CUBN: variants seen among roughly 807,000 people sequenced by gnomAD.
CUBN encodes cubilin.
Under a neutral mutation model 405.3 loss-of-function variants are expected in CUBN, and 282 were observed. That is an observed-to-expected ratio of 0.70 (90% CI 0.63 to 0.77). CUBN has a LOEUF of 0.77. CUBN is among the 30% of genes least tolerant of loss of function. The probability of loss-of-function intolerance (pLI) is 0.00; values close to 1 mark genes in which losing one functional copy is unlikely to be tolerated. For missense variants in CUBN, 4,514 were observed against 4,475.2 expected, an observed-to-expected ratio of 1.01 and a Z score of -0.25; for synonymous variants, 1,684 against 1,617.0, an observed-to-expected ratio of 1.04 and a Z score of -0.99.
At chr10:17,128,006 TGAG>T (rs906024310) in intron 2 of CUBN, 82 bp from the exon 3 acceptor site, 3 of 978,746 alleles carry the variant, frequency 3.1e-6, no homozygotes, top group South Asian at 1.4e-5. Context: ...ATTAAAAACT[TGAG>T]TAGTATTCTA....
chr10:17,089,362 A>G (rs898189889), intron 14 of CUBN, among the ~76,000 whole-genome samples: 1 of 152,242 alleles, frequency 6.6e-6, no homozygotes, highest in African/African-American at 2.4e-5. Flanking sequence ...GGAAAAGATT[A>G]ATGACAAAAT....
At chr10:17,100,363 T>G (rs760851679) in intron 13 of CUBN, 124 bp from the exon 14 acceptor site, 2 of 708,580 alleles carry the variant, frequency 2.8e-6, no homozygotes, top group African/African-American at 1.8e-5. Context: ...CATTCCCTAA[T>G]TATCCACCAG....
chr10:16,975,265 C>T (rs528071784), intron 31 of CUBN, among the ~76,000 whole-genome samples: 24 of 152,334 alleles, frequency 1.6e-4, no homozygotes, highest in African/African-American at 5.8e-4. Context: ...GACCCGATCA[C>T]ATTTGAGGTT....
chr10:17,049,900 TACCTTACTAA>T (rs1835224871), intron 22 of CUBN, among the ~76,000 whole-genome samples: 1 of 152,244 alleles, frequency 6.6e-6, no homozygotes, highest in African/African-American at 2.4e-5. Flanking sequence ...TGAGTATATT[TACCTTACTAA>T]ACCTTGGGAT....
chr10:17,030,416 G>T (rs967495341), intron 27 of CUBN, among the ~76,000 whole-genome samples: 1 of 151,966 alleles, frequency 6.6e-6, no homozygotes, highest in Non-Finnish European at 1.5e-5. Context: ...AATAACCATA[G>T]ATAATATGTA....
intron 50 of CUBN, among the ~76,000 whole-genome samples, chr10:16,905,179 C>T (rs564094333): frequency 2.0e-5 from 3 of 152,256 alleles, no homozygotes; most frequent in African/African-American, 7.2e-5. Context: ...TGGATGATTA[C>T]GTACTATTTA....
chr10:16,872,312 C>T (rs1200781007), intron 58 of CUBN, among the ~76,000 whole-genome samples: 1 of 149,590 alleles, frequency 6.7e-6, no homozygotes, highest in Non-Finnish European at 1.5e-5. Context: ...AGGATCCAGG[C>T]TGAAAACTGA....
Position 16,889,935 on chromosome 10 carries a change from C to CAAAA in CUBN, c.8755+432_8755+435dup, listed in dbSNP as rs1554788544. Among the ~76,000 whole-genome samples, 25 of 19,900 alleles carry CAAAA rather than the reference C, an allele frequency of 1.3e-3. 6 individuals are homozygous for CAAAA. The highest frequency in any genetic ancestry group is 1.3e-3 in the East Asian group (1 of 786). 13.1% of individuals were successfully genotyped at this position (19,900 alleles called of 152,430 possible). On this transcript the variant is annotated intron_variant, in intron 55 of 66. Coordinates refer to ENST00000377833, the MANE Select transcript of CUBN (RefSeq NM_001081.4). ...CTGGCGACAGAGTGAGACGCCGTGT[C>CAAAA]AAAAAAAAAAAAAAAAAACAGGAAA...
At chr10:17,015,483 T>C (rs1472124166) in intron 28 of CUBN, among the ~76,000 whole-genome samples, 3 of 152,210 alleles carry the variant, frequency 2.0e-5, no homozygotes, top group Admixed American at 1.3e-4. Flanking sequence ...AATACCTGGT[T>C]ACAGGATGTC....
intron 14 of CUBN, among the ~76,000 whole-genome samples, chr10:17,090,713 T>C (rs897852409): frequency 6.6e-6 from 1 of 151,750 alleles, no homozygotes; most frequent in African/African-American, 2.4e-5. Context: ...AGTAATAATA[T>C]TAGTATTGTT....
intron 28 of CUBN, among the ~76,000 whole-genome samples, chr10:17,014,988 G>A (rs918027439): frequency 1.3e-5 from 2 of 152,126 alleles, no homozygotes; most frequent in Non-Finnish European, 2.9e-5. Flanking sequence ...AGGGTACAGG[G>A]GTTCAGTACA....
At chr10:16,996,901 C>G (rs928294493) in intron 28 of CUBN, among the ~76,000 whole-genome samples, 1 of 152,138 alleles carries the variant, frequency 6.6e-6, no homozygotes, top group African/African-American at 2.4e-5. Flanking sequence ...TCCCTTCATT[C>G]CTAAAGGAAA....
At chr10:16,958,106 T>G (rs1480207785) in intron 31 of CUBN, among the ~76,000 whole-genome samples, 3 of 152,074 alleles carry the variant, frequency 2.0e-5, no homozygotes, top group Non-Finnish European at 4.4e-5. Context: ...AAAAGTAAAC[T>G]AAAATATTAA....
chr10:16,880,761 C>A (rs1410476342), intron 56 of CUBN, among the ~76,000 whole-genome samples: 1 of 152,146 alleles, frequency 6.6e-6, no homozygotes, highest in Non-Finnish European at 1.5e-5. Context: ...ATTCAGCCTG[C>A]AGAAATCTTG....
intron 28 of CUBN, among the ~76,000 whole-genome samples, chr10:16,991,380 G>C (rs1833581920): frequency 7.1e-6 from 1 of 141,702 alleles, no homozygotes; most frequent in African/African-American, 2.6e-5. Context: ...TTGATGCTAG[G>C]ATACTAACTG....
rs756840428 is a variant in CUBN, at chr10:16,918,755, A to C, written c.6867T>G (p.Asp2289Glu). 9.3e-6 allele frequency: 15 copies of C among 1,613,848 alleles called. 1 individual carries two copies. The highest frequency in any genetic ancestry group is 2.7e-5 in the African/African-American group (2 of 74,920). Residue 2289 changes from aspartate to glutamate, a missense_variant, in exon 45 of 67, where the codon GAT (aspartate) becomes GAG (glutamate). Asp to Glu is a conservative substitution (Grantham distance 45). Around this residue, in one of 5 missense-constraint regions of CUBN, gnomAD observed 1,613 missense variants for 1,542.8 expected, o/e 1.05. Coordinates refer to ENST00000377833, the MANE Select transcript of CUBN (RefSeq NM_001081.4). ...CACAAAATTTGGAAAGTATTGGTGCATCCGAATCCACTCCATCCCGCAACT... is the reference window on the plus strand; with the variant it reads ...CACAAAATTTGGAAAGTATTGGTGCCTCCGAATCCACTCCATCCCGCAACT... Reference protein sequence around the residue: ...YLELRDGVDSDAPILSKFCGT... With the variant: ...YLELRDGVDSEAPILSKFCGT...
chr10:16,828,833 G>A lies in CUBN; in HGVS notation c.10736C>T (p.Ser3579Phe), dbSNP rs754645310. ...TCCGCAGTATGGTCCAGAGGATGGAGAGCTGGCGTTGGGCCCATCATAGAG... is the reference window on the plus strand; with the variant it reads ...TCCGCAGTATGGTCCAGAGGATGGAAAGCTGGCGTTGGGCCCATCATAGAG... ...LTLYDGPNAS[S>F]PSSGPYCGGD... The change falls in exon 66 of 67, where the codon TCT (serine) becomes TTT (phenylalanine). Residue 3579 changes from serine to phenylalanine, a missense_variant. Transcript: ENST00000377833. The A allele has an allele frequency of 4.7e-5, 76 of 1,613,682 alleles. No individual in the cohort carries two copies. Among genetic ancestry groups the A allele is most frequent in the Admixed American group, 1.7e-5 (1 of 60,002 alleles).
intron 19 of CUBN, among the ~76,000 whole-genome samples, chr10:17,069,206 C>G (rs745762379): frequency 2.0e-5 from 3 of 152,230 alleles, no homozygotes; most frequent in African/African-American, 7.2e-5. Context: ...TTGATGGACA[C>G]TTAAGTTGTT....
intron 28 of CUBN, among the ~76,000 whole-genome samples, chr10:17,013,230 T>C (rs1834231365): frequency 6.6e-6 from 1 of 152,290 alleles, no homozygotes; most frequent in South Asian, 2.1e-4. Context: ...TGTCTGTCTC[T>C]TCCTCTCTCT....
Sources: allele counts gnomAD v4.1 joint callset (sites outside exome capture counted in the v4.1 genomes callset), GRCh38; gene constraint gnomAD v4.1.1; regional missense constraint gnomAD v4.1.1; transcripts MANE v1.5; gene names NCBI Gene and HGNC (gene_info 2026-07-23, HGNC 2026-07-21).